R3HDM1: variants seen among roughly 807,000 people sequenced by gnomAD.
R3HDM1 encodes the protein R3H domain-containing protein 1.
A neutral mutation model predicts 141.1 loss-of-function variants in R3HDM1; 46 were observed. The ratio of observed to expected loss-of-function variants is 0.33; its 90% CI spans 0.26 to 0.42. The LOEUF (loss-of-function observed/expected upper bound fraction) is 0.42. Among genes scored for constraint, R3HDM1 ranks in the 10% least tolerant of loss-of-function variants. The probability of loss-of-function intolerance (pLI) is 1.00; values close to 1 mark genes in which losing one functional copy is unlikely to be tolerated. For missense variants in R3HDM1, 1,184 were observed against 1,368.3 expected, an observed-to-expected ratio of 0.87 and a Z score of 2.12; for synonymous variants, 435 against 472.9, an observed-to-expected ratio of 0.92 and a Z score of 1.04.
chr2:135,697,374 T>C (rs559949788), intron 21 of R3HDM1, among the ~76,000 whole-genome samples: 1 of 152,348 alleles, frequency 6.6e-6, no homozygotes, highest in African/African-American at 2.4e-5. Context: ...AGAGTTAAAA[T>C]ATATACTAGC....
intron 1 of R3HDM1, among the ~76,000 whole-genome samples, chr2:135,596,033 C>T (rs2059146349): frequency 6.6e-6 from 1 of 152,298 alleles, no homozygotes; most frequent in Middle Eastern, 3.4e-3. Flanking sequence ...GAGTCTCGTT[C>T]TGTCGCCCAG....
chr2:135,631,592 T>C (rs758741360), intron 7 of R3HDM1, 126 bp from the exon 8 acceptor site: 59 of 595,180 alleles, frequency 9.9e-5, no homozygotes, highest in Non-Finnish European at 1.4e-4. Context: ...AGCATCAAGA[T>C]TGGGGTAATA....
chr2:135,642,931 G>T (rs1271959201), intron 15 of R3HDM1, among the ~76,000 whole-genome samples: 5 of 151,978 alleles, frequency 3.3e-5, no homozygotes, highest in Non-Finnish European at 5.9e-5. Flanking sequence ...AGGTTATTAT[G>T]TTACTAACAT....
intron 21 of R3HDM1, among the ~76,000 whole-genome samples, chr2:135,683,033 G>A (rs941867989): frequency 6.6e-5 from 10 of 152,010 alleles, no homozygotes; most frequent in South Asian, 2.1e-4. Context: ...GGAATTACCC[G>A]CAGCTTGGAC....
chr2:135,549,470 A>G (rs1699392134), intron 1 of R3HDM1, among the ~76,000 whole-genome samples: 1 of 150,916 alleles, frequency 6.6e-6, no homozygotes, highest in Non-Finnish European at 1.5e-5. Context: ...TTGAGGCAGG[A>G]GAATCCCTTG....
At chr2:135,645,336 C>T in intron 15 of R3HDM1, 43 bp from the exon 16 acceptor site, 2 of 1,517,540 alleles carry the variant, frequency 1.3e-6, no homozygotes, top group Non-Finnish European at 9.0e-7. Context: ...TATTTTCCAC[C>T]TGTATTCTAA....
chr2:135,717,784 T>G (rs1367584221), intron 24 of R3HDM1, among the ~76,000 whole-genome samples: 2 of 152,218 alleles, frequency 1.3e-5, no homozygotes, highest in African/African-American at 4.8e-5. Context: ...GGAAAAGGTA[T>G]GGCAGTTTCC....
intron 19 of R3HDM1, chr2:135,669,000 T>A: frequency 1.0e-4 from 37 of 366,112 alleles, no homozygotes; most frequent in Non-Finnish European, 1.4e-4. Context: ...TGAAATAGTG[T>A]CACTATTTGA....
chr2:135,565,343 T>TATC (rs1259275093), intron 1 of R3HDM1, among the ~76,000 whole-genome samples: 3 of 147,478 alleles, frequency 2.0e-5, no homozygotes, highest in African/African-American at 7.4e-5. Context: ...TTATTATTAT[T>TATC]ATTATTATTA....
intron 1 of R3HDM1, among the ~76,000 whole-genome samples, chr2:135,574,087 A>T (rs72988432): frequency 0.16 from 24,686 of 152,102 alleles, 5,523 homozygotes; most frequent in African/African-American, 0.51. Flanking sequence ...CTGAAAATTT[A>T]AAATTATAAA....
At chr2:135,622,200 TTC>T (rs2061575084) in intron 6 of R3HDM1, 1 of 984,898 alleles carries the variant, frequency 1.0e-6, no homozygotes, top group Non-Finnish European at 1.2e-6. Flanking sequence ...AAAAATCAAA[TTC>T]TTTCACAACT....
intron 1 of R3HDM1, among the ~76,000 whole-genome samples, chr2:135,581,016 A>G (rs758529927): frequency 1.1e-4 from 16 of 152,128 alleles, no homozygotes; most frequent in Non-Finnish European, 1.5e-4. Context: ...CTTCCATGGC[A>G]TCCTTTAGTT....
At chr2:135,670,558 A>G (rs572672181) in intron 19 of R3HDM1, 39 of 314,688 alleles carry the variant, frequency 1.2e-4, no homozygotes, top group African/African-American at 8.3e-4. Context: ...CCCCATTTCT[A>G]TAAATAATGA....
chr2:135,687,325 A>G (rs766310546), intron 21 of R3HDM1, among the ~76,000 whole-genome samples: 2 of 152,206 alleles, frequency 1.3e-5, no homozygotes, highest in Non-Finnish European at 2.9e-5. Flanking sequence ...TGCAAGATGA[A>G]TGAACTCTGG....
Position 135,533,707 on chromosome 2 carries a change from GTC to G in R3HDM1, c.-250+2078_-250+2079del, listed in dbSNP as rs1386626220. ...AGCCTGACCAACATGGAGAAACCCC[GTC>G]TCTACTGAAAATACAAAAAATTAGT... On this transcript the variant is annotated intron_variant, in intron 1 of 26. Transcript: ENST00000683871. Among the ~76,000 whole-genome samples the G allele has an allele frequency of 2.0e-5, 3 of 152,248 alleles. No homozygotes were observed. In the East Asian group the frequency reaches 5.8e-4, roughly 29 times the overall value.
intron 1 of R3HDM1, among the ~76,000 whole-genome samples, chr2:135,589,967 G>A (rs1438978406): frequency 6.6e-6 from 1 of 152,100 alleles, no homozygotes; most frequent in Non-Finnish European, 1.5e-5. Context: ...AGAGAACCAA[G>A]CAGTCCCTAA....
chr2:135,690,717 TTTTG>T (rs59210159), intron 21 of R3HDM1, among the ~76,000 whole-genome samples: 3 of 151,416 alleles, frequency 2.0e-5, no homozygotes, highest in African/African-American at 4.9e-5. Flanking sequence ...AAGAGGTTTT[TTTTG>T]TTTGTTTGTT....
intron 21 of R3HDM1, among the ~76,000 whole-genome samples, chr2:135,699,772 C>G (rs778031813): frequency 3.9e-5 from 6 of 152,146 alleles, no homozygotes; most frequent in Non-Finnish European, 8.8e-5. Flanking sequence ...TTTATCACTT[C>G]TCTATGTTCT....
At chr2:135,646,851 A>G (rs2064497575) in intron 16 of R3HDM1, among the ~76,000 whole-genome samples, 1 of 150,434 alleles carries the variant, frequency 6.6e-6, no homozygotes, top group Non-Finnish European at 1.5e-5. Flanking sequence ...TCAAAAAAAA[A>G]AAAAATTAAA....
Sources: allele counts gnomAD v4.1 joint callset (sites outside exome capture counted in the v4.1 genomes callset), GRCh38; gene constraint gnomAD v4.1.1; transcripts MANE v1.5; gene names NCBI Gene and HGNC (gene_info 2026-07-23, HGNC 2026-07-21).